The following CRACR2B variants were observed in gnomAD, a reference collection of about 807,000 sequenced individuals.
CRACR2B encodes EF-hand calcium-binding domain-containing protein 4A.
CRACR2B carries 50 observed loss-of-function variants against 46.0 expected under a neutral mutation model. That is an observed-to-expected ratio of 1.09 (90% CI 0.87 to 1.38). CRACR2B has a LOEUF of 1.38. Among genes scored for constraint, CRACR2B ranks in the 40% most tolerant of loss-of-function variants. CRACR2B has a pLI of 0.00. For missense variants in CRACR2B, 667 were observed against 535.0 expected (o/e 1.25, Z -2.43); for synonymous variants, 277 against 239.6 (o/e 1.16, Z -1.44).
At chr11:826,738 T>C (rs1260642348), upstream of CRACR2B, among the ~76,000 whole-genome samples, 5 of 152,188 alleles carry the variant, frequency 3.3e-5, no homozygotes, top group Admixed American at 6.5e-5. Context: ...TTGGGCAGGC[T>C]GGTCTCGAAC....
At chr11:829,128 G>T in intron 2 of CRACR2B, 165 bp downstream of exon 2, 1 of 1,246,666 alleles carries the variant, frequency 8.0e-7, no homozygotes, top group Non-Finnish European at 1.1e-6. Context: ...TAGCTGCGGT[G>T]GAGTGTGTGG....
chr11:828,917 G>T lies in CRACR2B; in HGVS notation c.231G>T (p.Arg77=). 1 of 1,607,134 alleles carries T rather than the reference G, an allele frequency of 6.2e-7. No individual in the cohort carries two copies. The change falls in exon 2 of 9, where the codon CGG becomes CGT. Residue 77 remains arginine, a synonymous_variant. Coordinates refer to ENST00000525077, the MANE Select transcript of CRACR2B (RefSeq NM_001286606.2). ...AGGCTGTGTTTGAAAGTCTGGACCG[G>T]GCTCACACTGGCTTCCTCACCGCCA... ...QLEAVFESLD[R]AHTGFLTARE...
In CRACR2B at chr11:829,482, G is replaced by T. The variant is rs771003508; in HGVS notation, c.400G>T (p.Glu134Ter). The change falls in exon 3 of 9, where the codon GAG (glutamate) becomes TAG (stop). Residue 134 changes from glutamate (E) to a stop codon, truncating the protein, a stop_gained. Transcript: ENST00000525077. LOFTEE classifies it high-confidence loss of function. ...GGGCTCTCTGGATGAGGAGGAGGAAGAGGAGGAGCGATTCCACACTGTGCT... is the reference window on the plus strand; with the variant it reads ...GGGCTCTCTGGATGAGGAGGAGGAATAGGAGGAGCGATTCCACACTGTGCT... ...TAGSLDEEEE[E>*]EERFHTVLEQ... 2 of 1,608,294 alleles carry T rather than the reference G, an allele frequency of 1.2e-6. No homozygotes were observed. The highest frequency in any genetic ancestry group is 2.2e-5 in the South Asian group (2 of 90,138).
At position 830,726 on chromosome 11, in the gene CRACR2B, C is replaced by T. The variant is rs1846340240; in HGVS notation, c.786+13C>T. On this transcript the variant is annotated intron_variant, in intron 6 of 8. Transcript: ENST00000525077. ...GCGGCAGCGGGAGGTGAGCACCCGG[C>T]CCCTGCCCTGTCCCCACGGTCACCC... is the stretch of plus-strand genomic sequence containing the variant. The T allele has an allele frequency of 7.9e-6, 12 of 1,520,820 alleles. No individual in the cohort carries two copies. Among genetic ancestry groups the T allele is most frequent in the African/African-American group, 5.5e-5 (4 of 72,628 alleles). 94.2% of individuals were successfully genotyped at this position (1,520,820 alleles called of 1,614,324 possible).
At position 831,922 on chromosome 11, in the gene CRACR2B, C is replaced by T. The variant is rs979096856; in HGVS notation, c.*213C>T. ...CCTCTGCCAGTCTTCGCTCTGTCCC[C>T]GTTCAATCAACCCCATCTCAGTTCA... On this transcript the variant is annotated 3_prime_UTR_variant, in exon 9 of 9. Transcript: ENST00000525077. The T allele has an allele frequency of 9.3e-6, 5 of 536,686 alleles. No individual in the cohort carries two copies. The highest frequency in any genetic ancestry group is 3.5e-5 in the East Asian group (1 of 28,684). The allele number at this position is 536,686 out of a possible 1,614,324, so 33.2% of individuals were successfully genotyped here.
intron 3 of CRACR2B, 127 bp from the exon 4 acceptor site, chr11:829,859 C>A: frequency 7.0e-7 from 1 of 1,429,188 alleles, no homozygotes; most frequent in East Asian, 2.5e-5. Flanking sequence ...GGAGGGATGC[C>A]CTGCACGCAG....
In CRACR2B at chr11:828,653, G is replaced by A. The variant is rs1248079972; in HGVS notation, c.46G>A (p.Glu16Lys). The A allele has an allele frequency of 9.3e-6, 15 of 1,607,840 alleles. No homozygotes were observed. The highest frequency in any genetic ancestry group is 1.3e-5 in the Non-Finnish European group (15 of 1,178,402). Reference protein sequence around the residue: ...KPGADEAQEEEGELEGGSAGP... With the variant: ...KPGADEAQEEKGELEGGSAGP... ...TGGGGCTGATGAGGCCCAGGAGGAG[G>A]AGGGGGAACTCGAGGGGGGCTCTGC... The change falls in exon 1 of 9, where the codon GAG becomes AAG. Residue 16 changes from glutamate (E) to lysine (K), a missense_variant. By Grantham distance (56) the Glu-to-Lys change is moderately conservative. Coordinates refer to ENST00000525077, the MANE Select transcript of CRACR2B (RefSeq NM_001286606.2).
At position 830,072 on chromosome 11, in the gene CRACR2B, C is replaced by T. The variant is rs767950739; in HGVS notation, c.545C>T (p.Ala182Val). ...TCTTTCGAGGATGTTCTGATACGCG[C>T]GTCGGCCTGCCTGGAGGAGGCGGCC... Reference protein sequence around the residue: ...LGSFEDVLIRASACLEEAARE... With the variant: ...LGSFEDVLIRVSACLEEAARE... Residue 182 changes from alanine to valine, a missense_variant, in exon 4 of 9, where the codon GCG becomes GTG. Coordinates refer to ENST00000525077, the MANE Select transcript of CRACR2B (RefSeq NM_001286606.2). The T allele has an allele frequency of 3.9e-6, 6 of 1,551,260 alleles. No homozygotes were observed. In the South Asian group the frequency reaches 7.0e-5, roughly 18 times the overall value.
upstream of CRACR2B, among the ~76,000 whole-genome samples, chr11:826,908 T>G (rs1228388890): frequency 6.6e-6 from 1 of 152,240 alleles, no homozygotes; most frequent in Non-Finnish European, 1.5e-5. Context: ...TTGGTCTGTT[T>G]CCTGCCCGGC....
intron 5 of CRACR2B, 117 bp downstream of exon 5, chr11:830,454 G>C: frequency 6.5e-7 from 1 of 1,536,018 alleles, no homozygotes; most frequent in Non-Finnish European, 8.7e-7. Flanking sequence ...GGTCCAGGCT[G>C]CCCTCAGCCC....
chr11:829,135 G>T, intron 2 of CRACR2B, 172 bp downstream of exon 2: 1 of 1,260,734 alleles, frequency 7.9e-7, no homozygotes, highest in Non-Finnish European at 1.1e-6. Context: ...GGTGGAGTGT[G>T]TGGAGCTGAC....
rs7107706 is a variant in CRACR2B, at chr11:831,461, G to A, written c.1026-74G>A. The A allele has an allele frequency of 2.7e-3, 4,029 of 1,503,950 alleles. 94 individuals carry two copies. In the African/African-American group the frequency reaches 0.048, roughly 18 times the overall value. 93.2% of individuals were successfully genotyped at this position (1,503,950 alleles called of 1,614,324 possible). ...AGCCAGACACCTCTCTTCGCTCTGAGGGGAGTCGGAGCTCACCTCCCCCCA... is the reference window on the plus strand; with the variant it reads ...AGCCAGACACCTCTCTTCGCTCTGAAGGGAGTCGGAGCTCACCTCCCCCCA... On this transcript the variant is annotated intron_variant, in intron 8 of 8. Coordinates refer to ENST00000525077, the MANE Select transcript of CRACR2B (RefSeq NM_001286606.2).
Position 831,704 on chromosome 11 carries a change from C to G in CRACR2B, c.1195C>G (p.Arg399Gly), listed in dbSNP as rs1190434992. The G allele has an allele frequency of 2.3e-5, 34 of 1,508,100 alleles. No homozygotes were observed. The highest frequency in any genetic ancestry group is 5.1e-5 in the East Asian group (2 of 38,836). 93.4% of individuals were successfully genotyped at this position (1,508,100 alleles called of 1,614,324 possible). ...RRGSGHLPSA[R>G] The stretch of plus-strand genomic sequence containing the variant: ...CGGCTCTGGCCACCTTCCCAGTGCC[C>G]GGTGACCAGCCCCGAGTGACTCACG... Residue 399 changes from arginine (R) to glycine (G), a missense_variant, in exon 9 of 9, where the codon CGG (arginine) becomes GGG (glycine). Physicochemically the swap from Arg to Gly is moderately radical, Grantham distance 125. Transcript: ENST00000525077.
intron 2 of CRACR2B, 190 bp downstream of exon 2, chr11:829,153 G>GC: frequency 7.8e-7 from 1 of 1,283,956 alleles, no homozygotes; most frequent in Non-Finnish European, 1.1e-6. Flanking sequence ...GACCTTCCTG[G>GC]CCCCCAGCTC....
Position 829,370 on chromosome 11 carries a change from G to A in CRACR2B, c.288G>A (p.Val96=), listed in dbSNP as rs765101154. 2.5e-6 allele frequency: 4 copies of A among 1,606,414 alleles called. No individual in the cohort carries two copies. The highest frequency in any genetic ancestry group is 3.4e-6 in the Non-Finnish European group (4 of 1,177,888). The change falls in exon 3 of 9, where the codon GTG becomes GTA. Residue 96 remains valine, a synonymous_variant. Coordinates refer to ENST00000525077, the MANE Select transcript of CRACR2B (RefSeq NM_001286606.2). ...REFCLGLGMF[V]GVASAQGANP... is the part of the protein sequence containing the mutation. ...GCTCCATGCCCGCAGGGATGTTTGT[G>A]GGGGTGGCGTCAGCCCAGGGAGCGA...
Position 828,947 on chromosome 11 carries a change from G to T in CRACR2B, c.261G>T (p.Glu87Asp). Residue 87 changes from glutamate (E) to aspartate (D), a missense_variant, in exon 2 of 9, where the codon GAG becomes GAT. Coordinates refer to ENST00000525077, the MANE Select transcript of CRACR2B (RefSeq NM_001286606.2). Reference sequence around the variant, plus strand: ...ACACTGGCTTCCTCACCGCCAGGGAGTTCTGCCTGGGCCTGGGTGAGCCTG... The same window carrying T: ...ACACTGGCTTCCTCACCGCCAGGGATTTCTGCCTGGGCCTGGGTGAGCCTG... ...RAHTGFLTAR[E>D]FCLGLGMFVG... 6.2e-7 allele frequency: 1 copy of T among 1,604,972 alleles called. No homozygotes were observed. Among genetic ancestry groups the T allele is most frequent in the Middle Eastern group, 1.6e-4 (1 of 6,062 alleles).
At chr11:831,410 C>T in intron 8 of CRACR2B, 115 bp downstream of exon 8, 1 of 1,479,548 alleles carries the variant, frequency 6.8e-7, no homozygotes. Context: ...CTTATGCCTG[C>T]CTTTCACCCC....
At chr11:829,253 G>A (rs1052005686) in intron 2 of CRACR2B, 107 bp from the exon 3 acceptor site, 9 of 1,483,714 alleles carry the variant, frequency 6.1e-6, no homozygotes, top group Non-Finnish European at 8.1e-6. Flanking sequence ...AAGGAAAACA[G>A]GAAACTGGGC....
chr11:826,683 C>T (rs575340209), upstream of CRACR2B, among the ~76,000 whole-genome samples: 4 of 151,626 alleles, frequency 2.6e-5, no homozygotes, highest in East Asian at 7.8e-4. Flanking sequence ...ACCACCACAC[C>T]TGGCTAATTT....
Sources: gnomAD v4.1 joint callset for allele counts (sites outside exome capture counted in the v4.1 genomes callset) on GRCh38, gnomAD v4.1.1 for gene constraint, MANE v1.5 for transcripts, NCBI Gene and HGNC (gene_info 2026-07-23, HGNC 2026-07-21) for gene names.